GNAL: variants seen among roughly 807,000 people sequenced by gnomAD.
The protein encoded by GNAL is G protein subunit alpha L.
A neutral mutation model predicts 55.1 loss-of-function variants in GNAL; 18 were observed. The ratio of observed to expected loss-of-function variants is 0.33; its 90% confidence interval spans 0.23 to 0.48. The LOEUF (loss-of-function observed/expected upper bound fraction) is 0.48. Among genes scored for constraint, GNAL ranks in the 20% least tolerant of loss-of-function variants. GNAL has a pLI of 0.99. For synonymous variants in GNAL, 253 were observed against 237.0 expected (o/e 1.07, Z -0.62); for missense variants, 412 against 614.1 (o/e 0.67, Z 3.48).
At chr18:11,874,004 G>A (rs1297685560) in intron 10 of GNAL, 1 of 152,602 alleles carries the variant, frequency 6.6e-6, no homozygotes, top group Non-Finnish European at 1.5e-5. Flanking sequence ...AGAACATTCT[G>A]TGAACTACCA....
intron 1 of GNAL, among the ~76,000 whole-genome samples, chr18:11,694,671 T>C (rs2031354219): frequency 6.6e-6 from 1 of 152,004 alleles, no homozygotes; most frequent in Non-Finnish European, 1.5e-5. Flanking sequence ...GGAGGGTAGG[T>C]AATGAGAGGA....
chr18:11,867,028 G>A, intron 7 of GNAL, 140 bp from the exon 8 acceptor site: 3 of 701,406 alleles, frequency 4.3e-6, no homozygotes, highest in Non-Finnish European at 7.8e-6. Flanking sequence ...GGGAGTGATG[G>A]TGCAGGCCAG....
chr18:11,823,786 T>A (rs1414180992), intron 4 of GNAL, among the ~76,000 whole-genome samples: 1 of 127,942 alleles, frequency 7.8e-6, no homozygotes, highest in Non-Finnish European at 1.7e-5. Context: ...AAATAACTGC[T>A]GTGGGAAGGG....
intron 4 of GNAL, among the ~76,000 whole-genome samples, chr18:11,771,818 G>A (rs541418716): frequency 1.3e-5 from 2 of 152,224 alleles, no homozygotes; most frequent in Admixed American, 6.5e-5. Flanking sequence ...GGGTTCAAGC[G>A]ATTCTCCTGC....
chr18:11,734,154 T>C (rs1006251397), intron 1 of GNAL, among the ~76,000 whole-genome samples: 17 of 150,532 alleles, frequency 1.1e-4, no homozygotes, highest in South Asian at 2.1e-4. Context: ...TTTTCTTTTT[T>C]TTTTTTTTTT....
intron 4 of GNAL, among the ~76,000 whole-genome samples, chr18:11,800,552 C>T (rs1388655651): frequency 6.6e-6 from 1 of 152,148 alleles, no homozygotes; most frequent in Non-Finnish European, 1.5e-5. Flanking sequence ...ATATGTCCTG[C>T]CAGAAGCCCA....
At chr18:11,791,722 CAG>C (rs2034242957) in intron 4 of GNAL, among the ~76,000 whole-genome samples, 3 of 152,170 alleles carry the variant, frequency 2.0e-5, no homozygotes, top group Admixed American at 1.3e-4. Flanking sequence ...CTGCTGTAGA[CAG>C]ATATCTATCA....
intron 4 of GNAL, among the ~76,000 whole-genome samples, chr18:11,806,510 G>A (rs546625590): frequency 6.6e-6 from 1 of 152,190 alleles, no homozygotes; most frequent in Admixed American, 6.5e-5. Flanking sequence ...ATCTTCAGTC[G>A]ATTTTTGTAT....
At chr18:11,785,958 T>C (rs1206636289) in intron 4 of GNAL, among the ~76,000 whole-genome samples, 1 of 152,230 alleles carries the variant, frequency 6.6e-6, no homozygotes, top group Non-Finnish European at 1.5e-5. Context: ...AGAAAATGAC[T>C]GTTCCCTGTT....
intron 4 of GNAL, among the ~76,000 whole-genome samples, chr18:11,761,135 G>A (rs2033228645): frequency 6.6e-6 from 1 of 152,096 alleles, no homozygotes; most frequent in Admixed American, 6.6e-5. Context: ...GTCTGACATG[G>A]CTTACTGTCC....
chr18:11,794,236 A>G (rs2034316999), intron 4 of GNAL, among the ~76,000 whole-genome samples: 1 of 152,226 alleles, frequency 6.6e-6, no homozygotes, highest in African/African-American at 2.4e-5. Flanking sequence ...TGAACCAGCA[A>G]TCCCAAAATC....
chr18:11,690,808 C>T (rs1425052450), intron 1 of GNAL, among the ~76,000 whole-genome samples: 1 of 151,758 alleles, frequency 6.6e-6, no homozygotes, highest in Non-Finnish European at 1.5e-5. Flanking sequence ...TTTATGGCTG[C>T]ATAGTATTCC....
chr18:11,794,294 C>T (rs973935866), intron 4 of GNAL, among the ~76,000 whole-genome samples: 44 of 152,186 alleles, frequency 2.9e-4, no homozygotes, highest in African/African-American at 1.0e-3. Flanking sequence ...TTGATAGCAG[C>T]ACTATTCACA....
At chr18:11,706,425 C>T (rs1413919936) in intron 1 of GNAL, among the ~76,000 whole-genome samples, 1 of 152,138 alleles carries the variant, frequency 6.6e-6, no homozygotes, top group Non-Finnish European at 1.5e-5. Context: ...AAGGTCTTGC[C>T]TCGATATCTG....
intron 1 of GNAL, among the ~76,000 whole-genome samples, chr18:11,705,242 C>CCGT (rs148408997): frequency 0.024 from 3,722 of 152,290 alleles, 130 homozygotes; most frequent in African/African-American, 0.079. Flanking sequence ...ACTCAGCATT[C>CCGT]CCTCCAGGTT....
At chr18:11,817,527 T>C (rs1598403778) in intron 4 of GNAL, among the ~76,000 whole-genome samples, 1 of 152,350 alleles carries the variant, frequency 6.6e-6, no homozygotes, top group African/African-American at 2.4e-5. Context: ...ATCACGCTTC[T>C]TGCTAGGAAA....
At position 11,752,234 on chromosome 18, in the gene GNAL, C is replaced by T. The variant is rs2032868997; in HGVS notation, c.377-619C>T. ...TTTACTCCGCGCGTCTTCCTTACAG[C>T]CATTTAGTTGGGAGTTTGCGGTGGG... On this transcript the variant is annotated intron_variant, in intron 1 of 11. Coordinates refer to ENST00000334049, the MANE Select transcript of GNAL (RefSeq NM_182978.4). The surrounding 1 kb of genome is among the most constrained non-coding windows in gnomAD (Gnocchi z 4.5). 9.1e-7 allele frequency: 1 copy of T among 1,095,772 alleles called. No individual in the cohort carries two copies. Among genetic ancestry groups the T allele is most frequent in the Non-Finnish European group, 1.2e-6 (1 of 820,398 alleles). The allele number at this position is 1,095,772 out of a possible 1,614,324, so 67.9% of individuals were successfully genotyped here. A position where few individuals can be genotyped will look rare whatever the true frequency, so the allele number is the denominator to read the frequency against.
At chr18:11,710,842 A>G (rs946583318) in intron 1 of GNAL, among the ~76,000 whole-genome samples, 3 of 152,074 alleles carry the variant, frequency 2.0e-5, no homozygotes, top group Admixed American at 6.5e-5. Flanking sequence ...ACTTTTGACA[A>G]TTTGATTACA....
chr18:11,821,162 A>G (rs1448083121), intron 4 of GNAL, among the ~76,000 whole-genome samples: 5 of 152,216 alleles, frequency 3.3e-5, no homozygotes, highest in Non-Finnish European at 5.9e-5. Context: ...ACCTGTGGGA[A>G]TCCTCATGAG....
Sources: gnomAD v4.1 joint callset for allele counts (sites outside exome capture counted in the v4.1 genomes callset) on GRCh38, gnomAD v4.1.1 for gene constraint, Gnocchi (gnomAD v3.1) non-coding constraint, MANE v1.5 for transcripts, NCBI Gene and HGNC (gene_info 2026-07-23, HGNC 2026-07-21) for gene names.